The following PCDHGA2 variants were observed in gnomAD, a reference collection of about 807,000 sequenced individuals.
PCDHGA2 encodes the protein protocadherin gamma subfamily A, 2.
A neutral mutation model predicts 59.2 loss-of-function variants in PCDHGA2; 40 were observed. The ratio of observed to expected loss-of-function variants is 0.68; its 90% confidence interval spans 0.52 to 0.88. The LOEUF (loss-of-function observed/expected upper bound fraction) is 0.88, where lower values mean the gene tolerates loss of function less well. PCDHGA2 is among the 40% of genes least tolerant of loss of function. PCDHGA2 has a pLI of 0.00. For synonymous variants in PCDHGA2, 560 were observed against 526.0 expected, an observed-to-expected ratio of 1.06 and a Z score of -0.89; for missense variants, 1,226 against 1,204.0, an observed-to-expected ratio of 1.02 and a Z score of -0.27.
intron 1 of PCDHGA2, chr5:141,492,046 AC>A (rs955983612): frequency 2.0e-6 from 1 of 494,316 alleles, no homozygotes; most frequent in African/African-American, 2.0e-5. Context: ...TCACAGATCC[AC>A]CCCTGCAGCC....
intron 1 of PCDHGA2, chr5:141,394,248 C>T (rs937129072): frequency 9.3e-6 from 15 of 1,613,816 alleles, no homozygotes; most frequent in Admixed American, 6.7e-5. Flanking sequence ...TGCACACGAC[C>T]CCGACAGCCA....
intron 1 of PCDHGA2, chr5:141,372,068 T>C (rs770870533): frequency 3.1e-6 from 5 of 1,613,630 alleles, no homozygotes; most frequent in Non-Finnish European, 1.7e-6. Flanking sequence ...GCAACGACAA[T>C]GCACCGCTGG....
At chr5:141,377,551 G>A (rs949060522) in intron 1 of PCDHGA2, 1 of 151,380 alleles carries the variant, frequency 6.6e-6, no homozygotes, top group Non-Finnish European at 1.5e-5. Flanking sequence ...AGATATAATT[G>A]TGTCACTGCA....
At chr5:141,454,721 A>G (rs2098797156) in intron 1 of PCDHGA2, among the ~76,000 whole-genome samples, 1 of 146,810 alleles carries the variant, frequency 6.8e-6, no homozygotes, top group South Asian at 2.2e-4. Flanking sequence ...ATTCCATATT[A>G]TATGTTATAG....
intron 1 of PCDHGA2, chr5:141,427,812 G>T: frequency 6.6e-7 from 1 of 1,524,404 alleles, no homozygotes; most frequent in Non-Finnish European, 9.0e-7. Flanking sequence ...CGCACAGAGC[G>T]GGGTGGTGGT....
rs1248162259 is a variant in PCDHGA2, at chr5:141,340,128, TC to T, written c.1161del (p.Glu388ArgfsTer7). The T allele has an allele frequency of 6.2e-7, 1 of 1,614,162 alleles. No individual in the cohort carries two copies. Among genetic ancestry groups the T allele is most frequent in the African/African-American group, 1.3e-5 (1 of 75,052 alleles). Reference sequence around the variant, plus strand: ...CAGAACGCATTCACCACCTGTTCACTCCCCGAGGATCTTCCTTTTAAGTTAG... The same window carrying T: ...CAGAACGCATTCACCACCTGTTCACTCCCGAGGATCTTCCTTTTAAGTTAG... The part of the protein sequence containing the change: ...SGQNAFTTCS[L>X]PEDLPFKLEK... On this transcript the variant is annotated frameshift_variant, in exon 1 of 4. Coordinates refer to ENST00000394576, the MANE Select transcript of PCDHGA2 (RefSeq NM_018915.4). LOFTEE classifies it high-confidence loss of function.
rs375080564 is a variant in PCDHGA2 at position 141,486,676 on chromosome 5, T to C, written c.2425-8131T>C. On this transcript the variant is annotated intron_variant, in intron 1 of 3. Transcript: ENST00000394576. The surrounding 1 kb of genome is among the most constrained non-coding windows in gnomAD (Gnocchi z 5.0). ...CACTCCTGGAGCCCAGGAATCGAGA[T>C]GTATCAGCTTCCTCTTTCATCTCTC... The C allele has an allele frequency of 6.2e-7, 1 of 1,614,120 alleles. No homozygotes were observed. The highest frequency in any genetic ancestry group is 1.7e-5 in the Admixed American group (1 of 60,032).
At chr5:141,350,947 T>A in intron 1 of PCDHGA2, 2 of 1,614,070 alleles carry the variant, frequency 1.2e-6, no homozygotes, top group Non-Finnish European at 1.7e-6. Context: ...GGATCCGAGT[T>A]ACGGATGCCA....
chr5:141,454,796 A>ATTTTTCT (rs2098799790), intron 1 of PCDHGA2, among the ~76,000 whole-genome samples: 1 of 77,408 alleles, frequency 1.3e-5, no homozygotes, highest in African/African-American at 5.9e-5. Context: ...CATGGTTCTA[A>ATTTTTCT]TTTTTTTTTT....
Position 141,341,134 on chromosome 5 carries a change from G to A in PCDHGA2, c.2163G>A (p.Lys721=). ...LLAHRLRRWH[K]SRLLQASGGS... is the part of the protein sequence containing the mutation. ...CGCACAGGCTGCGGCGCTGGCACAA[G>A]TCACGCCTGCTGCAGGCTTCAGGAG... is the stretch of plus-strand genomic sequence containing the variant. Residue 721 remains lysine (K), a synonymous_variant, in exon 1 of 4, where the codon AAG becomes AAA. Transcript: ENST00000394576. The A allele has an allele frequency of 6.2e-7, 1 of 1,614,226 alleles. No individual in the cohort carries two copies. The highest frequency in any genetic ancestry group is 8.5e-7 in the Non-Finnish European group (1 of 1,180,044).
At chr5:141,360,936 CGACCGG>C (rs1761810016) in intron 1 of PCDHGA2, 1 of 1,613,836 alleles carries the variant, frequency 6.2e-7, no homozygotes, top group African/African-American at 1.3e-5. Context: ...TGACAGCCAC[CGACCGG>C]GATGAAGGCA....
chr5:141,393,642 G>C, intron 1 of PCDHGA2: 1 of 1,613,940 alleles, frequency 6.2e-7, no homozygotes, highest in Non-Finnish European at 8.5e-7. Context: ...CAACGGAAAA[G>C]TGGCATACAA....
intron 1 of PCDHGA2, among the ~76,000 whole-genome samples, chr5:141,353,919 G>A (rs1759417280): frequency 6.6e-6 from 1 of 152,196 alleles, no homozygotes; most frequent in Non-Finnish European, 1.5e-5. Flanking sequence ...CCTTTTGTAT[G>A]AGTCATTTCT....
chr5:141,376,844 G>T (rs897403160), intron 1 of PCDHGA2: 2 of 241,996 alleles, frequency 8.3e-6, no homozygotes, highest in Non-Finnish European at 1.6e-5. Flanking sequence ...CCGCCACCGC[G>T]CCCGGCTAAT....
intron 1 of PCDHGA2, chr5:141,393,545 C>CCCGATTTA (rs1171677857): frequency 1.2e-6 from 2 of 1,613,858 alleles, no homozygotes; most frequent in African/African-American, 1.3e-5. Context: ...TTTTTCCTCA[C>CCCGATTTA]CCGATTTACC....
intron 1 of PCDHGA2, among the ~76,000 whole-genome samples, chr5:141,454,209 T>A (rs2098783885): frequency 6.6e-6 from 1 of 152,088 alleles, no homozygotes; most frequent in South Asian, 2.1e-4. Flanking sequence ...TTTATTGACA[T>A]GAATGAGAAA....
chr5:141,374,116 C>T (rs1328761924), intron 1 of PCDHGA2: 2 of 1,580,576 alleles, frequency 1.3e-6, no homozygotes, highest in Non-Finnish European at 1.7e-6. Flanking sequence ...CGCAGCGCAG[C>T]GAGCAGGTCC....
rs11575965 is a variant in PCDHGA2 at position 141,430,679 on chromosome 5, T to C, written c.2425-64128T>C. 6,478 of 1,333,262 alleles carry C rather than the reference T, an allele frequency of 4.9e-3. 34 individuals carry two copies. Among genetic ancestry groups the C allele is most frequent in the Admixed American group, 9.3e-3 (354 of 37,978 alleles). 82.6% of individuals were successfully genotyped at this position (1,333,262 alleles called of 1,614,324 possible). ...CGGAGGAGCTCTGACTTCCCAACTG[T>C]CCCATTCTATGGGCGAAGGAACTGC... On this transcript the variant is annotated intron_variant, in intron 1 of 3. Coordinates refer to ENST00000394576, the MANE Select transcript of PCDHGA2 (RefSeq NM_018915.4).
intron 1 of PCDHGA2, among the ~76,000 whole-genome samples, chr5:141,369,728 G>A (rs948180332): frequency 2.0e-5 from 3 of 152,180 alleles, no homozygotes; most frequent in Admixed American, 2.0e-4. Context: ...GAAGTTAGAA[G>A]TAAAGGAAAT....
Sources: gnomAD v4.1 joint callset for allele counts (sites outside exome capture counted in the v4.1 genomes callset) on GRCh38, gnomAD v4.1.1 for gene constraint, Gnocchi (gnomAD v3.1) non-coding constraint, MANE v1.5 for transcripts, NCBI Gene and HGNC (gene_info 2026-07-23, HGNC 2026-07-21) for gene names.